Variants in HIPK3 observed in about 807,000 individuals in gnomAD.
HIPK3 encodes homeodomain interacting protein kinase 3, also known as homeodomain-interacting protein kinase 3.
Under a neutral mutation model 124.2 loss-of-function variants are expected in HIPK3, and 47 were observed. The ratio of observed to expected loss-of-function variants is 0.38; its 90% CI spans 0.30 to 0.48. The LOEUF (loss-of-function observed/expected upper bound fraction) is 0.48. HIPK3 is among the 20% of genes least tolerant of loss of function. The pLI is 0.98. For missense variants in HIPK3, 1,286 were observed against 1,454.3 expected (o/e 0.88, Z 1.88); for synonymous variants, 482 against 515.2 (o/e 0.94, Z 0.87).
chr11:33,336,659 A>G (rs1200265529), intron 3 of HIPK3, among the ~76,000 whole-genome samples: 1 of 152,162 alleles, frequency 6.6e-6, no homozygotes, highest in Non-Finnish European at 1.5e-5. Context: ...GTTCAATTTC[A>G]TCTCTTACCA....
chr11:33,272,222 A>G (rs1851144412), intron 1 of HIPK3, among the ~76,000 whole-genome samples: 1 of 152,086 alleles, frequency 6.6e-6, no homozygotes, highest in Admixed American at 6.6e-5. Flanking sequence ...ACATGGTGAA[A>G]CCCCATCTCT....
chr11:33,307,242 T>C (rs533352240), intron 2 of HIPK3, among the ~76,000 whole-genome samples: 2 of 151,984 alleles, frequency 1.3e-5, no homozygotes, highest in East Asian at 3.9e-4. Flanking sequence ...CCCGGCCAGA[T>C]GCATCCATTT....
intron 2 of HIPK3, among the ~76,000 whole-genome samples, chr11:33,316,903 C>CTTA (rs1334051118): frequency 1.3e-5 from 2 of 152,128 alleles, no homozygotes; most frequent in Non-Finnish European, 2.9e-5. Context: ...TAATTTGATA[C>CTTA]TTATAGTAAG....
intron 2 of HIPK3, among the ~76,000 whole-genome samples, chr11:33,306,481 A>G (rs888844439): frequency 6.6e-6 from 1 of 152,200 alleles, no homozygotes; most frequent in Non-Finnish European, 1.5e-5. Context: ...TTTAAAAAAA[A>G]TTAAGTCATA....
At position 33,352,069 on chromosome 11, in the gene HIPK3, A is replaced by G. The variant is rs1853678518; in HGVS notation, c.3044-69A>G. 7.5e-6 allele frequency: 11 copies of G among 1,457,596 alleles called. 1 individual carries two copies. In the South Asian group the frequency reaches 1.2e-4, roughly 16 times the overall value. 90.3% of individuals were successfully genotyped at this position (1,457,596 alleles called of 1,614,324 possible). ...CAAATCACTATTGTGTAAAATATCTAAAGACTTTGCTAATTTTTTATTTGA... is the reference window on the plus strand; with the variant it reads ...CAAATCACTATTGTGTAAAATATCTGAAGACTTTGCTAATTTTTTATTTGA... On this transcript the variant is annotated intron_variant, in intron 15 of 16. Transcript: ENST00000303296.
Position 33,287,127 on chromosome 11 carries a change from G to T in HIPK3, c.713G>T (p.Gly238Val). 1 of 1,614,146 alleles carries T rather than the reference G, an allele frequency of 6.2e-7. No homozygotes were observed. The highest frequency in any genetic ancestry group is 1.3e-5 in the African/African-American group (1 of 75,038). Residue 238 changes from glycine (G) to valine (V), a missense_variant, in exon 2 of 17, where the codon GGT becomes GTT. By Grantham distance (109) the Gly-to-Val change is moderately radical. Transcript: ENST00000303296. ...LKNHPSYARQ[G>V]QIEVSILARL... ...AATCATCCTTCTTATGCCCGTCAAG[G>T]TCAAATAGAAGTGAGCATATTAGCA...
At chr11:33,279,951 C>T (rs1851370042) in intron 1 of HIPK3, among the ~76,000 whole-genome samples, 1 of 152,134 alleles carries the variant, frequency 6.6e-6, no homozygotes, top group Non-Finnish European at 1.5e-5. Context: ...TGATCTACAC[C>T]TCCCAAAGTT....
Position 33,356,530 on chromosome 11 carries a change from TTTAA to T in HIPK3, c.*2967_*2970del, listed in dbSNP as rs1853821706. 6.6e-6 allele frequency: 1 copy of T among 152,040 alleles called. No homozygotes were observed. Among genetic ancestry groups the T allele is most frequent in the Non-Finnish European group, 1.5e-5 (1 of 67,906 alleles). 9.4% of individuals were successfully genotyped at this position (152,040 alleles called of 1,614,324 possible). On this transcript the variant is annotated 3_prime_UTR_variant, in exon 17 of 17. Transcript: ENST00000303296. ...GTTGTTTTTTTTTTCCTCCAGCGTG[TTTAA>T]TTAAATATGTTACTGTATTAGCAAA...
chr11:33,338,694 T>C, intron 4 of HIPK3, 63 bp from the exon 5 acceptor site: 2 of 980,240 alleles, frequency 2.0e-6, no homozygotes, highest in Admixed American at 2.0e-5. Flanking sequence ...TTAGACTAAA[T>C]GTGCCAGGAT....
At chr11:33,325,560 T>C (rs889233191) in intron 2 of HIPK3, among the ~76,000 whole-genome samples, 6 of 152,228 alleles carry the variant, frequency 3.9e-5, no homozygotes, top group African/African-American at 1.4e-4. Flanking sequence ...ATGCTCTTTA[T>C]AAACTCTTGT....
chr11:33,308,613 G>GT (rs1554965208), intron 2 of HIPK3, among the ~76,000 whole-genome samples: 4 of 147,374 alleles, frequency 2.7e-5, no homozygotes, highest in Non-Finnish European at 4.5e-5. Context: ...TGTGCCTAGG[G>GT]GTGTGTGTGT....
In HIPK3 at chr11:33,341,109, C is replaced by G; in HGVS notation, c.1755C>G (p.Ile585Met). Residue 585 changes from isoleucine (I) to methionine (M), a missense_variant, in exon 7 of 17, where the codon ATC (isoleucine) becomes ATG (methionine). By Grantham distance (10) the Ile-to-Met change is conservative (BLOSUM62 1). Around this residue, in one of 3 missense-constraint regions of HIPK3, gnomAD observed 810 missense variants for 864.9 expected, o/e 0.94. Coordinates refer to ENST00000303296, the MANE Select transcript of HIPK3 (RefSeq NM_005734.5). ...TATLTANFTK[I>M]GTLRSQALTT... ...CACTGACTGCAAATTTTACTAAAAT[C>G]GGAACATTAAGAAGTCAGGTAAGAA... The G allele has an allele frequency of 1.3e-6, 2 of 1,588,562 alleles. No individual in the cohort carries two copies. Among genetic ancestry groups the G allele is most frequent in the South Asian group, 2.4e-5 (2 of 84,878 alleles).
chr11:33,271,805 AT>A (rs1280260931), intron 1 of HIPK3, among the ~76,000 whole-genome samples: 2 of 152,218 alleles, frequency 1.3e-5, no homozygotes, highest in African/African-American at 4.8e-5. Context: ...ATTTAAAAAA[AT>A]CTCTTCAGCC....
chr11:33,257,356 G>T, upstream of HIPK3: 5 of 984,796 alleles, frequency 5.1e-6, no homozygotes, highest in Non-Finnish European at 6.0e-6. Flanking sequence ...CGAGCGCGGA[G>T]GAGGGGCCCG....
chr11:33,310,825 C>T (rs1476205654), intron 2 of HIPK3, among the ~76,000 whole-genome samples: 1 of 152,100 alleles, frequency 6.6e-6, no homozygotes, highest in African/African-American at 2.4e-5. Flanking sequence ...CAGTTTTATG[C>T]TGGAAGGCAG....
intron 1 of HIPK3, among the ~76,000 whole-genome samples, chr11:33,265,951 G>C (rs189180897): frequency 0.012 from 1,817 of 150,746 alleles, 18 homozygotes; most frequent in Non-Finnish European, 0.018. Context: ...GGGTGTGGTG[G>C]TGGGCACCTG....
chr11:33,275,744 T>C lies in HIPK3; in HGVS notation c.-2-10669T>C, dbSNP rs575083737. Among the ~76,000 whole-genome samples, 51 of 152,356 alleles carry C rather than the reference T, an allele frequency of 3.3e-4. 2 individuals are homozygous for C. In the South Asian group the frequency reaches 9.7e-3, roughly 29 times the overall value. On this transcript the variant is annotated intron_variant, in intron 1 of 16. Transcript: ENST00000303296. The stretch of plus-strand genomic sequence containing the variant: ...ATATAGTGAAGTTCTACTTTTAGTC[T>C]TTATTGATTGAAGAAGTTATATAAT...
chr11:33,275,724 G>A (rs369739896), intron 1 of HIPK3, among the ~76,000 whole-genome samples: 9 of 152,182 alleles, frequency 5.9e-5, no homozygotes, highest in Non-Finnish European at 1.2e-4. Context: ...GGATCATATA[G>A]TGAAGTTCTA....
intron 3 of HIPK3, among the ~76,000 whole-genome samples, chr11:33,332,920 A>G (rs1220472683): frequency 6.6e-6 from 1 of 152,188 alleles, no homozygotes; most frequent in Admixed American, 6.5e-5. Flanking sequence ...CAATCATGGC[A>G]GAAGGGAAGG....
Sources: allele counts gnomAD v4.1 joint callset (sites outside exome capture counted in the v4.1 genomes callset), GRCh38; gene constraint gnomAD v4.1.1; regional missense constraint gnomAD v4.1.1; transcripts MANE v1.5; gene names NCBI Gene and HGNC (gene_info 2026-07-23, HGNC 2026-07-21).